KCNMA1: variants seen among roughly 807,000 people sequenced by gnomAD.
The protein encoded by KCNMA1 is Calcium-activated potassium channel subunit alpha-1.
In KCNMA1, 29 loss-of-function variants were observed where a neutral mutation model predicts 140.0. The ratio of observed to expected loss-of-function variants is 0.21; its 90% CI spans 0.15 to 0.28. KCNMA1 has a LOEUF of 0.28. Ranked by LOEUF, KCNMA1 falls within the 10% of genes least tolerant of loss-of-function variation. The pLI, the probability that KCNMA1 is intolerant of heterozygous loss-of-function variation, is 1.00. For missense variants in KCNMA1, 880 were observed against 1,602.2 expected (o/e 0.55, Z 7.70); for synonymous variants, 612 against 611.9 (o/e 1.00, Z 0.00).
At chr10:77,500,160 A>C (rs997434782) in intron 1 of KCNMA1, among the ~76,000 whole-genome samples, 2 of 151,418 alleles carry the variant, frequency 1.3e-5, no homozygotes, top group Non-Finnish European at 2.9e-5. Flanking sequence ...AAGACTGCAA[A>C]AAGCATTTTT....
intron 2 of KCNMA1, among the ~76,000 whole-genome samples, chr10:77,260,013 T>C (rs973433242): frequency 6.6e-6 from 1 of 151,936 alleles, no homozygotes; most frequent in Non-Finnish European, 1.5e-5. Flanking sequence ...AAAAGAGAGG[T>C]GGGAGAAACA....
chr10:77,054,627 A>G (rs1264370176), intron 14 of KCNMA1, among the ~76,000 whole-genome samples: 1 of 152,246 alleles, frequency 6.6e-6, no homozygotes, highest in African/African-American at 2.4e-5. Context: ...ACAGCCATCA[A>G]GACAGGACCC....
intron 2 of KCNMA1, among the ~76,000 whole-genome samples, chr10:77,383,147 TC>T (rs1330175190): frequency 6.6e-6 from 1 of 151,408 alleles, no homozygotes; most frequent in African/African-American, 2.4e-5. Context: ...GTCATTTCCA[TC>T]CCCCTCCCTC....
chr10:77,514,395 G>A (rs1292901407), intron 1 of KCNMA1, among the ~76,000 whole-genome samples: 2 of 152,188 alleles, frequency 1.3e-5, no homozygotes, highest in African/African-American at 2.4e-5. Flanking sequence ...ATCCATGTGT[G>A]GTCACAGCAA....
At chr10:77,307,159 AT>A (rs373429320) in intron 2 of KCNMA1, among the ~76,000 whole-genome samples, 8 of 152,294 alleles carry the variant, frequency 5.3e-5, no homozygotes, top group African/African-American at 1.9e-4. Context: ...CAGAAGGGGC[AT>A]GGCTCCCTGA....
intron 19 of KCNMA1, chr10:76,973,296 A>T (rs987393616): frequency 4.0e-4 from 61 of 152,580 alleles, no homozygotes; most frequent in African/African-American, 1.4e-3. Context: ...CCAGTCTCCA[A>T]GTACTCATAA....
At chr10:77,432,390 C>A (rs1226857300) in intron 1 of KCNMA1, among the ~76,000 whole-genome samples, 2 of 152,218 alleles carry the variant, frequency 1.3e-5, no homozygotes, top group African/African-American at 4.8e-5. Context: ...CATCCTGCTT[C>A]TCTTATTTCC....
intron 2 of KCNMA1, among the ~76,000 whole-genome samples, chr10:77,299,785 C>T (rs1317413048): frequency 6.6e-6 from 1 of 152,172 alleles, no homozygotes; most frequent in Non-Finnish European, 1.5e-5. Flanking sequence ...GCTGTTGGGG[C>T]AAACTGGCAT....
intron 3 of KCNMA1, among the ~76,000 whole-genome samples, chr10:77,201,018 A>G (rs1350138140): frequency 6.6e-6 from 1 of 152,180 alleles, no homozygotes; most frequent in Non-Finnish European, 1.5e-5. Flanking sequence ...CTCTCACAGA[A>G]TCCTGACCTT....
At chr10:77,183,308 A>G in intron 5 of KCNMA1, 113 bp downstream of exon 5, 2 of 766,026 alleles carry the variant, frequency 2.6e-6, no homozygotes, top group Non-Finnish European at 4.7e-6. Flanking sequence ...CGTTGTTCAC[A>G]TTAATACATA....
chr10:77,518,610 G>A (rs893944647), intron 1 of KCNMA1, among the ~76,000 whole-genome samples: 2 of 152,200 alleles, frequency 1.3e-5, no homozygotes, highest in African/African-American at 4.8e-5. Context: ...CCAAGCACAG[G>A]ACTGGAAGGG....
chr10:77,271,300 T>C (rs1009262155), intron 2 of KCNMA1, among the ~76,000 whole-genome samples: 5 of 152,208 alleles, frequency 3.3e-5, no homozygotes, highest in African/African-American at 1.2e-4. Context: ...AATGTTTCCA[T>C]CAGGGTGGAA....
At chr10:77,634,534 A>G in intron 1 of KCNMA1, 1 of 985,202 alleles carries the variant, frequency 1.0e-6, no homozygotes, top group Non-Finnish European at 1.2e-6. Context: ...GCTGAATTTT[A>G]TCTCCCACAG....
chr10:77,419,318 C>T (rs908460664), intron 1 of KCNMA1, among the ~76,000 whole-genome samples: 5 of 152,208 alleles, frequency 3.3e-5, no homozygotes, highest in South Asian at 4.1e-4. Flanking sequence ...AGACGCCCCA[C>T]GTCTCCATAA....
chr10:77,269,117 C>T (rs930359488), intron 2 of KCNMA1, among the ~76,000 whole-genome samples: 1 of 152,128 alleles, frequency 6.6e-6, no homozygotes, highest in Non-Finnish European at 1.5e-5. Context: ...ATTTCAGGGG[C>T]TTCTAGAAGA....
intron 19 of KCNMA1, among the ~76,000 whole-genome samples, chr10:76,982,257 G>A (rs374517393): frequency 6.6e-6 from 1 of 151,732 alleles, no homozygotes; most frequent in East Asian, 1.9e-4. Context: ...GATGTTGCAT[G>A]AGAATGTCAA....
intron 2 of KCNMA1, among the ~76,000 whole-genome samples, chr10:77,260,645 G>T (rs942429815): frequency 6.6e-6 from 1 of 152,162 alleles, no homozygotes. Context: ...AGTGGTGGAG[G>T]TTGCAGTGAG....
intron 9 of KCNMA1, among the ~76,000 whole-genome samples, chr10:77,106,825 A>G (rs749220811): frequency 2.6e-5 from 4 of 152,162 alleles, no homozygotes; most frequent in Non-Finnish European, 5.9e-5. Context: ...GATCCAACCA[A>G]TGGCCCAGAA....
chr10:77,400,898 T>A (rs545648934), intron 2 of KCNMA1, among the ~76,000 whole-genome samples: 15 of 152,022 alleles, frequency 9.9e-5, no homozygotes, highest in African/African-American at 3.6e-4. Flanking sequence ...CTGGGCCCAA[T>A]GAGTTCCATT....
Sources: gnomAD v4.1 joint callset for allele counts (sites outside exome capture counted in the v4.1 genomes callset) on GRCh38, gnomAD v4.1.1 for gene constraint, MANE v1.5 for transcripts, NCBI Gene and HGNC (gene_info 2026-07-23, HGNC 2026-07-21) for gene names.